Variants in SIPA1L2 observed in about 807,000 individuals in gnomAD.
SIPA1L2 encodes the protein signal induced proliferation associated 1 like 2.
In SIPA1L2, 56 loss-of-function variants were observed where a neutral mutation model predicts 163.9. The ratio of observed to expected loss-of-function variants is 0.34; its 90% CI spans 0.28 to 0.43. The LOEUF is 0.43. Ranked by LOEUF, SIPA1L2 falls within the 20% of genes least tolerant of loss-of-function variation. The pLI is 1.00. For synonymous variants in SIPA1L2, 877 were observed against 865.7 expected (o/e 1.01, Z -0.23); for missense variants, 1,974 against 2,193.5 (o/e 0.90, Z 2.00).
At chr1:232,412,297 A>C (rs547642338) in intron 19 of SIPA1L2, among the ~76,000 whole-genome samples, 1 of 152,290 alleles carries the variant, frequency 6.6e-6, no homozygotes, top group Admixed American at 6.5e-5. Flanking sequence ...GGATCATGGG[A>C]TCTCAATCCA....
chr1:232,586,978 A>C (rs1660691425), intron 1 of SIPA1L2, among the ~76,000 whole-genome samples: 3 of 152,204 alleles, frequency 2.0e-5, no homozygotes, highest in Admixed American at 2.0e-4. Context: ...TGGTAATAGG[A>C]AACAGACATA....
intron 15 of SIPA1L2, among the ~76,000 whole-genome samples, chr1:232,437,157 C>T (rs145911337): frequency 2.0e-5 from 3 of 152,292 alleles, no homozygotes; most frequent in Non-Finnish European, 4.4e-5. Context: ...CGAATGTACT[C>T]TGAAGGCAGT....
intron 1 of SIPA1L2, among the ~76,000 whole-genome samples, chr1:232,629,286 T>C (rs944512611): frequency 2.0e-5 from 3 of 152,220 alleles, no homozygotes; most frequent in African/African-American, 7.2e-5. Context: ...CAAACTACCC[T>C]CACTGACACG....
intron 3 of SIPA1L2, among the ~76,000 whole-genome samples, chr1:232,500,624 T>C (rs1354695491): frequency 6.6e-6 from 1 of 152,200 alleles, no homozygotes; most frequent in Non-Finnish European, 1.5e-5. Context: ...TATAATCTCA[T>C]GATCAAACTT....
At chr1:232,419,731 C>A (rs1326407503) in intron 18 of SIPA1L2, among the ~76,000 whole-genome samples, 2 of 152,188 alleles carry the variant, frequency 1.3e-5, no homozygotes, top group Non-Finnish European at 2.9e-5. Flanking sequence ...GAACCAAAAG[C>A]CAATTAAATC....
At chr1:232,471,839 A>T (rs1664816021) in intron 7 of SIPA1L2, among the ~76,000 whole-genome samples, 1 of 152,210 alleles carries the variant, frequency 6.6e-6, no homozygotes, top group South Asian at 2.1e-4. Context: ...AGCTCACAAC[A>T]CTTTGAGAAA....
chr1:232,440,303 C>T (rs1662811619), intron 14 of SIPA1L2, among the ~76,000 whole-genome samples: 1 of 152,222 alleles, frequency 6.6e-6, no homozygotes, highest in Non-Finnish European at 1.5e-5. Flanking sequence ...CAGCAAAGGG[C>T]TTTGGAATCA....
intron 3 of SIPA1L2, among the ~76,000 whole-genome samples, chr1:232,508,098 G>A (rs914636690): frequency 1.3e-5 from 2 of 152,094 alleles, no homozygotes; most frequent in East Asian, 3.9e-4. Context: ...ATCTGATTCC[G>A]CATTTTCCCC....
chr1:232,552,918 TTTGGGCTCCAGCCACACA>T (rs1355888430), intron 2 of SIPA1L2, among the ~76,000 whole-genome samples: 1 of 152,022 alleles, frequency 6.6e-6, no homozygotes. Flanking sequence ...GGGGAGATCT[TTTGGGCTCCAGCCACACA>T]GCTGCATCTA....
At chr1:232,457,418 T>C (rs556084431) in intron 10 of SIPA1L2, among the ~76,000 whole-genome samples, 28 of 152,200 alleles carry the variant, frequency 1.8e-4, no homozygotes, top group Non-Finnish European at 3.4e-4. Context: ...ATTTTTGTAG[T>C]CTTCATAGTG....
chr1:232,534,133 T>A (rs1243650497), intron 2 of SIPA1L2, among the ~76,000 whole-genome samples: 1 of 151,650 alleles, frequency 6.6e-6, no homozygotes, highest in South Asian at 2.1e-4. Context: ...TTTCTGAATA[T>A]AAAACTTATT....
intron 7 of SIPA1L2, 136 bp downstream of exon 7, chr1:232,479,491 G>T (rs533348764): frequency 1.5e-6 from 1 of 677,700 alleles, no homozygotes; most frequent in East Asian, 2.7e-5. Flanking sequence ...AATGATCAAA[G>T]AGTCAAAGAT....
intron 2 of SIPA1L2, among the ~76,000 whole-genome samples, chr1:232,545,987 TGTCA>T (rs1658009537): frequency 6.6e-6 from 1 of 152,260 alleles, no homozygotes; most frequent in Non-Finnish European, 1.5e-5. Flanking sequence ...CTCTTTCTGG[TGTCA>T]CTGACGTAGG....
At chr1:232,630,195 G>C (rs1304933127), upstream of SIPA1L2, among the ~76,000 whole-genome samples, 3 of 151,608 alleles carry the variant, frequency 2.0e-5, no homozygotes, top group African/African-American at 7.3e-5. Context: ...CGCCCGCTCT[G>C]CGGGCTCCCA....
intron 10 of SIPA1L2, among the ~76,000 whole-genome samples, chr1:232,445,997 A>C (rs1405680005): frequency 6.6e-6 from 1 of 152,196 alleles, no homozygotes; most frequent in Middle Eastern, 3.2e-3. Context: ...GCCAGCAATG[A>C]CTGCGTCTAG....
At chr1:232,442,555 A>G (rs942840907) in intron 12 of SIPA1L2, among the ~76,000 whole-genome samples, 26 of 151,394 alleles carry the variant, frequency 1.7e-4, no homozygotes, top group Non-Finnish European at 2.7e-4. Context: ...CTCAAAAGAA[A>G]AAAAAAAAAA....
Position 232,465,164 on chromosome 1 carries a change from C to G in SIPA1L2, c.2496G>C (p.Thr832=), listed in dbSNP as rs374979703. Residue 832 remains threonine (T), a synonymous_variant, in exon 9 of 23, where the codon ACG becomes ACC. Transcript: ENST00000674635. The surrounding 1 kb of genome is among the most constrained non-coding windows in gnomAD (Gnocchi z 4.1). ...CCTTCTCCTTTTTCTTCGCACCCAG[C>G]GTAATGAAGCTGAACTTCACAGAGG... ...VDTSVKFSFI[T]LGAKKKEKVK... is the part of the protein sequence containing the mutation. 3.7e-6 allele frequency: 6 copies of G among 1,614,056 alleles called. No homozygotes were observed. Among genetic ancestry groups the G allele is most frequent in the African/African-American group, 1.3e-5 (1 of 74,924 alleles).
intron 2 of SIPA1L2, among the ~76,000 whole-genome samples, chr1:232,545,375 G>T (rs1049240489): frequency 1.6e-4 from 24 of 152,200 alleles, no homozygotes; most frequent in African/African-American, 5.3e-4. Flanking sequence ...CTTGACTCAT[G>T]TATCTATGAG....
At position 232,485,247 on chromosome 1, in the gene SIPA1L2, G is replaced by A. The variant is rs374186094; in HGVS notation, c.1807-1281C>T. 5.9e-5 allele frequency among the ~76,000 whole-genome samples: 9 copies of A among 152,338 alleles called. No individual in the cohort carries two copies. The South Asian group carries it at 1.9e-3, about 32-fold the overall frequency. ...ACTGAATCAGCTACCTATACCGATG[G>A]ATGCTATGGCATTGCAGTTCATGGG... is the stretch of plus-strand genomic sequence containing the variant. On this transcript the variant is annotated intron_variant, in intron 5 of 22. Transcript: ENST00000674635.
Sources: gnomAD v4.1 joint callset for allele counts (sites outside exome capture counted in the v4.1 genomes callset) on GRCh38, gnomAD v4.1.1 for gene constraint, Gnocchi (gnomAD v3.1) non-coding constraint, MANE v1.5 for transcripts, NCBI Gene and HGNC (gene_info 2026-07-23, HGNC 2026-07-21) for gene names.